The following HUNK variants were observed in gnomAD, a reference collection of about 807,000 sequenced individuals.
HUNK encodes the protein hormonally up-regulated Neu-associated kinase.
HUNK carries 21 observed loss-of-function variants against 61.0 expected under a neutral mutation model. That is an observed-to-expected ratio of 0.34 (90% confidence interval 0.24 to 0.50). The LOEUF is 0.50. HUNK is among the 20% of genes least tolerant of loss of function. The pLI is 0.98. For missense variants in HUNK, 772 were observed against 945.7 expected (o/e 0.82, Z 2.41); for synonymous variants, 371 against 386.1 (o/e 0.96, Z 0.46).
intron 6 of HUNK, 63 bp from the exon 7 acceptor site, chr21:31,974,492 G>T (rs756154326): frequency 5.5e-6 from 8 of 1,445,152 alleles, no homozygotes; most frequent in Non-Finnish European, 7.5e-6. Flanking sequence ...GTGCCCAGGG[G>T]GTCTGTGTGG....
chr21:31,915,178 T>C (rs563840840), intron 1 of HUNK, among the ~76,000 whole-genome samples: 1 of 152,200 alleles, frequency 6.6e-6, no homozygotes, highest in East Asian at 1.9e-4. Flanking sequence ...TTGGAACATG[T>C]TGGATTTTGG....
chr21:31,979,512 ATTCTTTTTT>A lies in HUNK; in HGVS notation c.1174-4011_1174-4003del, dbSNP rs1431281938. Among the ~76,000 whole-genome samples, 864 of 99,486 alleles carry A rather than the reference ATTCTTTTTT, an allele frequency of 8.7e-3. 78 individuals are homozygous for A. Among genetic ancestry groups the A allele is most frequent in the African/African-American group, 0.018 (466 of 25,556 alleles). The allele number at this position is 99,486 out of a possible 152,430, so 65.3% of individuals were successfully genotyped here. A position where few individuals can be genotyped will look rare whatever the true frequency, so the allele number is the denominator to read the frequency against. Reference sequence around the variant, plus strand: ...GTTTTCTGGCTATTGAGTTGTTTGCATTCTTTTTTTTTTTTTTTTTTTTTTTTTTTTGAG... The same window carrying A: ...GTTTTCTGGCTATTGAGTTGTTTGCATTTTTTTTTTTTTTTTTTTTTTGAG... On this transcript the variant is annotated intron_variant, in intron 7 of 10. Coordinates refer to ENST00000270112, the MANE Select transcript of HUNK (RefSeq NM_014586.2).
At chr21:31,996,092 T>C (rs1202076094) in intron 10 of HUNK, 144 bp downstream of exon 10, 4 of 625,772 alleles carry the variant, frequency 6.4e-6, no homozygotes, top group Non-Finnish European at 1.1e-5. Flanking sequence ...GGACCTGAGG[T>C]TGCCTGAGCA....
Position 31,979,714 on chromosome 21 carries a change from A to T in HUNK, c.1174-3812A>T, listed in dbSNP as rs991249305. Among the ~76,000 whole-genome samples, 37 of 150,420 alleles carry T rather than the reference A, an allele frequency of 2.5e-4. 1 individual carries two copies. Among genetic ancestry groups the T allele is most frequent in the Non-Finnish European group, 4.4e-5 (3 of 67,664 alleles). On this transcript the variant is annotated intron_variant, in intron 7 of 10. Coordinates refer to ENST00000270112, the MANE Select transcript of HUNK (RefSeq NM_014586.2). Reference sequence around the variant, plus strand: ...GTATTTTTAGTAGAGACAGGGTTTCACCGTGTTAGCCAGGATGGTCTCAAT... The same window carrying T: ...GTATTTTTAGTAGAGACAGGGTTTCTCCGTGTTAGCCAGGATGGTCTCAAT...
At chr21:31,922,079 C>T (rs965799607) in intron 1 of HUNK, among the ~76,000 whole-genome samples, 5 of 151,988 alleles carry the variant, frequency 3.3e-5, no homozygotes, top group African/African-American at 1.2e-4. Context: ...TGCAATGGCA[C>T]AATCTCTGCT....
At chr21:31,941,637 T>C (rs1281166565) in intron 3 of HUNK, among the ~76,000 whole-genome samples, 1 of 152,332 alleles carries the variant, frequency 6.6e-6, no homozygotes, top group East Asian at 1.9e-4. Flanking sequence ...GTTTTACTAT[T>C]GCATTTTAGT....
At chr21:31,896,043 C>G (rs889506373) in intron 1 of HUNK, among the ~76,000 whole-genome samples, 1 of 142,188 alleles carries the variant, frequency 7.0e-6, no homozygotes, top group Non-Finnish European at 1.5e-5. Context: ...CACAGATGTG[C>G]GCACACACAG....
intron 5 of HUNK, among the ~76,000 whole-genome samples, chr21:31,963,611 C>T (rs2123844834): frequency 6.6e-6 from 1 of 152,316 alleles, no homozygotes; most frequent in East Asian, 1.9e-4. Context: ...GTCTTCCCGC[C>T]TCAGCCTCCC....
rs2053161416 is a variant in HUNK at position 31,990,081 on chromosome 21, A to G, written c.1258-48A>G. On this transcript the variant is annotated intron_variant, in intron 8 of 10. Coordinates refer to ENST00000270112, the MANE Select transcript of HUNK (RefSeq NM_014586.2). The stretch of plus-strand genomic sequence containing the variant: ...CGTAGGGGAAGCATTTAGGGAATAA[A>G]TAGCAGGTGCAGATTCTCGAATTGT... 3 of 1,540,986 alleles carry G rather than the reference A, an allele frequency of 1.9e-6. No homozygotes were observed. In the Admixed American group the frequency reaches 5.0e-5, roughly 26 times the overall value.
At position 32,004,029 on chromosome 21, in the gene HUNK, A is replaced by G. The variant is rs2053262377; in HGVS notation, c.*4845A>G. On this transcript the variant is annotated 3_prime_UTR_variant, in exon 11 of 11. Coordinates refer to ENST00000270112, the MANE Select transcript of HUNK (RefSeq NM_014586.2). ...TAAAGATGGCACAGGAAGCTGTATC[A>G]TTTACAGGTGAAAAAAATAAATGGG... is the stretch of plus-strand genomic sequence containing the variant. 1 of 152,212 alleles carries G rather than the reference A, an allele frequency of 6.6e-6. No individual in the cohort carries two copies. 9.4% of individuals were successfully genotyped at this position (152,212 alleles called of 1,614,324 possible). A position where few individuals can be genotyped will look rare whatever the true frequency, so the allele number is the denominator to read the frequency against.
intron 5 of HUNK, among the ~76,000 whole-genome samples, chr21:31,966,394 G>A (rs1174882006): frequency 1.3e-5 from 2 of 152,186 alleles, no homozygotes; most frequent in African/African-American, 4.8e-5. Flanking sequence ...ATAAACATGT[G>A]TGCAAGTGTC....
At chr21:31,994,401 A>G (rs190312887) in intron 9 of HUNK, among the ~76,000 whole-genome samples, 4 of 152,338 alleles carry the variant, frequency 2.6e-5, no homozygotes, top group East Asian at 3.9e-4. Flanking sequence ...GAACATCCTT[A>G]TTAGAAAGGG....
chr21:31,998,555 A>C lies in HUNK; in HGVS notation c.1516A>C (p.Lys506Gln). The C allele has an allele frequency of 6.3e-7, 1 of 1,598,226 alleles. No homozygotes were observed. The highest frequency in any genetic ancestry group is 8.5e-7 in the Non-Finnish European group (1 of 1,174,082). Reference protein sequence around the residue: ...DSFGCRNIFRKTSDSNCVASS... With the variant: ...DSFGCRNIFRQTSDSNCVASS... Reference sequence around the variant, plus strand: ...CTTTGGCTGCCGCAATATTTTCCGCAAAACCTCAGATTCCAATTGTGTGGC... The same window carrying C: ...CTTTGGCTGCCGCAATATTTTCCGCCAAACCTCAGATTCCAATTGTGTGGC... Residue 506 changes from lysine to glutamine, a missense_variant, in exon 11 of 11, where the codon AAA becomes CAA. Lys to Gln is a moderately conservative substitution (Grantham distance 53, BLOSUM62 1). Transcript: ENST00000270112.
chr21:31,885,219 G>A (rs1246321424), intron 1 of HUNK, among the ~76,000 whole-genome samples: 5 of 152,212 alleles, frequency 3.3e-5, no homozygotes, highest in African/African-American at 9.6e-5. Context: ...AGGAGCAAGA[G>A]CCATTACGTA....
At chr21:31,922,183 A>G (rs148612863) in intron 1 of HUNK, among the ~76,000 whole-genome samples, 6,176 of 151,036 alleles carry the variant, frequency 0.041, 153 homozygotes, top group Middle Eastern at 0.11. Context: ...CACCCAGCTA[A>G]TTTTTATATT....
chr21:31,984,224 AAG>A (rs1238732327), intron 8 of HUNK, among the ~76,000 whole-genome samples: 1 of 152,154 alleles, frequency 6.6e-6, no homozygotes, highest in East Asian at 1.9e-4. Flanking sequence ...AAAAAGCTAA[AAG>A]AGAATTTTGA....
In HUNK at chr21:31,992,245, C is replaced by T. The variant is rs537414463; in HGVS notation, c.1305+2069C>T. 2.6e-5 allele frequency among the ~76,000 whole-genome samples: 4 copies of T among 152,314 alleles called. No individual in the cohort carries two copies. The South Asian group carries it at 6.2e-4, about 24-fold the overall frequency. ...CCATCAGGGAAGACTCTGAAGGGAA[C>T]CAGCTCTCTGGAGCTCAGACCTCAG... On this transcript the variant is annotated intron_variant, in intron 9 of 10. Coordinates refer to ENST00000270112, the MANE Select transcript of HUNK (RefSeq NM_014586.2).
intron 1 of HUNK, among the ~76,000 whole-genome samples, chr21:31,883,722 G>A (rs2052326251): frequency 6.6e-6 from 1 of 152,000 alleles, no homozygotes; most frequent in South Asian, 2.1e-4. Flanking sequence ...CTGAGGAGAG[G>A]GTCCATGGGT....
chr21:31,984,044 A>G (rs2053116217), intron 8 of HUNK, among the ~76,000 whole-genome samples: 1 of 152,210 alleles, frequency 6.6e-6, no homozygotes, highest in African/African-American at 2.4e-5. Flanking sequence ...ATCTCATAGA[A>G]GTACAGAGTA....
Sources: gnomAD v4.1 joint callset for allele counts (sites outside exome capture counted in the v4.1 genomes callset) on GRCh38, gnomAD v4.1.1 for gene constraint, MANE v1.5 for transcripts, NCBI Gene and HGNC (gene_info 2026-07-23, HGNC 2026-07-21) for gene names.